The following SHOC2 variants were observed in gnomAD, a reference collection of about 807,000 sequenced individuals.
SHOC2 encodes leucine-rich repeat protein SHOC-2.
SHOC2 carries 4 observed loss-of-function variants against 50.2 expected under a neutral mutation model. The observed-to-expected ratio is 0.08, with a 90% CI of 0.04 to 0.18. SHOC2 has a LOEUF of 0.18. Among genes scored for constraint, SHOC2 ranks in the 10% least tolerant of loss-of-function variants. SHOC2 has a pLI of 1.00. For missense variants in SHOC2, 388 were observed against 669.6 expected, an observed-to-expected ratio of 0.58 and a Z score of 4.64; for synonymous variants, 218 against 244.5, an observed-to-expected ratio of 0.89 and a Z score of 1.01.
intron 1 of SHOC2, among the ~76,000 whole-genome samples, chr10:110,922,321 T>C (rs1257744063): frequency 6.6e-6 from 1 of 152,134 alleles, no homozygotes; most frequent in African/African-American, 2.4e-5. Context: ...GTATGAATTA[T>C]GGAGGATGGG....
intron 2 of SHOC2, among the ~76,000 whole-genome samples, chr10:110,979,518 T>G (rs1289778170): frequency 6.6e-6 from 1 of 152,200 alleles, no homozygotes; most frequent in Non-Finnish European, 1.5e-5. Flanking sequence ...ACAGTTCTCT[T>G]CTTTTAAGGG....
chr10:110,919,790 CGCCGGGGCGAGGCCCGAGGG>C (rs1846575448), intron 1 of SHOC2, 133 bp downstream of exon 1: 2 of 392,298 alleles, frequency 5.1e-6, no homozygotes, highest in African/African-American at 2.1e-5. Context: ...GAGCCGGCAG[CGCCGGGGCGAGGCCCGAGGG>C]GCCGGGGCCC....
intron 1 of SHOC2, among the ~76,000 whole-genome samples, chr10:110,946,773 G>A (rs1236673561): frequency 6.6e-6 from 1 of 152,190 alleles, no homozygotes; most frequent in East Asian, 1.9e-4. Flanking sequence ...GTAGGGGCTA[G>A]ATCATGTGGA....
At chr10:110,952,098 C>T (rs138354509) in intron 1 of SHOC2, among the ~76,000 whole-genome samples, 360 of 151,980 alleles carry the variant, frequency 2.4e-3, no homozygotes, top group African/African-American at 8.2e-3. Flanking sequence ...CCCTCTTTCA[C>T]ACTAGTTAAC....
At position 110,930,735 on chromosome 10, in the gene SHOC2, C is replaced by CTTTTTTTTTTTT. The variant is rs772553111; in HGVS notation, c.-235+11082_-235+11093dup. Among the ~76,000 whole-genome samples the CTTTTTTTTTTTT allele has an allele frequency of 2.2e-3, 208 of 96,702 alleles. 12 individuals carry two copies. Among genetic ancestry groups the CTTTTTTTTTTTT allele is most frequent in the East Asian group, 6.5e-3 (17 of 2,626 alleles). 63.4% of individuals were successfully genotyped at this position (96,702 alleles called of 152,430 possible). A position where few individuals can be genotyped will look rare whatever the true frequency, so the allele number is the denominator to read the frequency against. ...TTTAAGCAAATATTCACGAGTAAATCTTTTTTTTTTTTTTTGGTAGTGTTT... is the reference window on the plus strand; with the variant it reads ...TTTAAGCAAATATTCACGAGTAAATCTTTTTTTTTTTTTTTTTTTTTTTTTTTGGTAGTGTTT... On this transcript the variant is annotated intron_variant, in intron 1 of 8. Transcript: ENST00000369452.
intron 1 of SHOC2, among the ~76,000 whole-genome samples, chr10:110,933,271 T>C (rs773742455): frequency 7.9e-5 from 12 of 152,112 alleles, no homozygotes; most frequent in Non-Finnish European, 1.6e-4. Flanking sequence ...TTAAAAGATA[T>C]ACATACAGAG....
intron 1 of SHOC2, among the ~76,000 whole-genome samples, chr10:110,935,430 G>T (rs1010839540): frequency 2.6e-5 from 4 of 152,180 alleles, no homozygotes; most frequent in Admixed American, 6.5e-5. Context: ...AAAAACTTCA[G>T]TTTATCTAAC....
intron 5 of SHOC2, among the ~76,000 whole-genome samples, chr10:111,005,838 A>G (rs949382908): frequency 1.3e-5 from 2 of 152,254 alleles, no homozygotes; most frequent in Admixed American, 1.3e-4. Context: ...ATGATGAACC[A>G]TTTGAACATA....
chr10:110,929,004 A>G (rs564719196), intron 1 of SHOC2, among the ~76,000 whole-genome samples: 11 of 152,326 alleles, frequency 7.2e-5, no homozygotes, highest in African/African-American at 2.6e-4. Flanking sequence ...ATTATACCTG[A>G]TATTTGCAGG....
intron 1 of SHOC2, among the ~76,000 whole-genome samples, chr10:110,934,419 GGA>G (rs1220641533): frequency 6.6e-6 from 1 of 152,106 alleles, no homozygotes; most frequent in Non-Finnish European, 1.5e-5. Flanking sequence ...ATTCCTGTGT[GGA>G]GAGAGTCTAG....
Position 111,011,870 on chromosome 10 carries a change from T to TTCTTA in SHOC2, c.*56_*60dup. On this transcript the variant is annotated 3_prime_UTR_variant, in exon 9 of 9. Transcript: ENST00000369452. ...TTCAAAAATAGACTGCCATTAATGT[T>TTCTTA]TCTTATCTATATCTGTATCTATTTA... The TTCTTA allele has an allele frequency of 7.4e-7, 1 of 1,343,062 alleles. No individual in the cohort carries two copies. The highest frequency in any genetic ancestry group is 1.7e-5 in the Admixed American group (1 of 59,424). 83.2% of individuals were successfully genotyped at this position (1,343,062 alleles called of 1,614,324 possible).
At chr10:110,951,056 A>C (rs760253820) in intron 1 of SHOC2, among the ~76,000 whole-genome samples, 1 of 152,244 alleles carries the variant, frequency 6.6e-6, no homozygotes, top group Non-Finnish European at 1.5e-5. Flanking sequence ...TCAACTGAAT[A>C]AGCTTCGGCA....
At chr10:110,965,296 A>C (rs1482112074) in intron 2 of SHOC2, among the ~76,000 whole-genome samples, 1 of 152,194 alleles carries the variant, frequency 6.6e-6, no homozygotes, top group Non-Finnish European at 1.5e-5. Context: ...TCTTTCCCAC[A>C]CAAACCTAAT....
At position 110,971,161 on chromosome 10, in the gene SHOC2, G is replaced by A. The variant is rs532934245; in HGVS notation, c.703+6100G>A. On this transcript the variant is annotated intron_variant, in intron 2 of 8. Coordinates refer to ENST00000369452, the MANE Select transcript of SHOC2 (RefSeq NM_007373.4). ...CTGAAGTGTTTCCCCTATGTTTCTT[G>A]TAGTAGTTTTATATTTTTGGTTCTT... Among the ~76,000 whole-genome samples, 3 of 152,038 alleles carry A rather than the reference G, an allele frequency of 2.0e-5. No homozygotes were observed. The South Asian group carries it at 6.2e-4, about 32-fold the overall frequency.
chr10:110,996,996 G>T (rs1848280215), intron 3 of SHOC2, among the ~76,000 whole-genome samples: 1 of 152,130 alleles, frequency 6.6e-6, no homozygotes, highest in Admixed American at 6.6e-5. Context: ...CAGGAAACTA[G>T]GAATTCTAAA....
At chr10:110,922,273 C>T (rs778898720) in intron 1 of SHOC2, among the ~76,000 whole-genome samples, 14 of 151,908 alleles carry the variant, frequency 9.2e-5, no homozygotes, top group Non-Finnish European at 1.8e-4. Flanking sequence ...AGATGGCTTC[C>T]GAGTAGTGAT....
chr10:110,957,823 T>A (rs1471273604), intron 1 of SHOC2, among the ~76,000 whole-genome samples: 1 of 152,218 alleles, frequency 6.6e-6, no homozygotes, highest in Non-Finnish European at 1.5e-5. Context: ...TATTTATCTC[T>A]GGTCTATGTC....
rs1161807020 is a variant in SHOC2 at position 111,009,849 on chromosome 10, C to T, written c.1540+19C>T. The T allele has an allele frequency of 8.0e-7, 1 of 1,253,718 alleles. No homozygotes were observed. The allele number at this position is 1,253,718 out of a possible 1,614,324, so 77.7% of individuals were successfully genotyped here. On this transcript the variant is annotated intron_variant, in intron 8 of 8. Transcript: ENST00000369452. ...GAAATTGGTATGAACCCTGTGAATGCTTGACTCTGTACTAATAATTTGCTC... is the reference window on the plus strand; with the variant it reads ...GAAATTGGTATGAACCCTGTGAATGTTTGACTCTGTACTAATAATTTGCTC...
chr10:110,987,925 A>G (rs1320056845), intron 3 of SHOC2, among the ~76,000 whole-genome samples: 3 of 152,138 alleles, frequency 2.0e-5, no homozygotes, highest in African/African-American at 4.8e-5. Context: ...AGTCCCCTAG[A>G]ATCTAGATCA....
Sources: allele counts gnomAD v4.1 joint callset (sites outside exome capture counted in the v4.1 genomes callset), GRCh38; gene constraint gnomAD v4.1.1; transcripts MANE v1.5; gene names NCBI Gene and HGNC (gene_info 2026-07-23, HGNC 2026-07-21).